The following CHMP3 variants were observed in gnomAD, a reference collection of about 807,000 sequenced individuals.
CHMP3 encodes charged multivesicular body protein 3, also known as 25.1 protein.
Under a neutral mutation model 27.4 loss-of-function variants are expected in CHMP3, and 8 were observed. The observed-to-expected ratio is 0.29, with a 90% CI of 0.17 to 0.53. CHMP3 has a LOEUF of 0.53. CHMP3 is among the 20% of genes least tolerant of loss of function. The pLI, the probability that CHMP3 is intolerant of heterozygous loss-of-function variation, is 0.96. For synonymous variants in CHMP3, 86 were observed against 85.5 expected, an observed-to-expected ratio of 1.01 and a Z score of -0.03; for missense variants, 208 against 271.5, an observed-to-expected ratio of 0.77 and a Z score of 1.64.
rs2104733918 is a variant in CHMP3, at chr2:86,504,803, A to G, written c.*1001T>C. 6.6e-6 allele frequency: 1 copy of G among 152,306 alleles called. No homozygotes were observed. Among genetic ancestry groups the G allele is most frequent in the Non-Finnish European group, 1.5e-5 (1 of 68,030 alleles). The allele number at this position is 152,306 out of a possible 1,614,324, so 9.4% of individuals were successfully genotyped here. ...CTTGGACCAGAGGATCTGGGTTTGAATCCCATCTCTGATACTTCCCAAACT... is the reference window on the plus strand; with the variant it reads ...CTTGGACCAGAGGATCTGGGTTTGAGTCCCATCTCTGATACTTCCCAAACT... On this transcript the variant is annotated 3_prime_UTR_variant, in exon 6 of 6. Transcript: ENST00000263856.
intron 3 of CHMP3, among the ~76,000 whole-genome samples, chr2:86,523,986 G>A (rs887437353): frequency 6.6e-6 from 1 of 152,102 alleles, no homozygotes; most frequent in Non-Finnish European, 1.5e-5. Flanking sequence ...AGATTACACA[G>A]ACAAAATTGA....
At chr2:86,537,166 C>CT (rs1460101566) in intron 2 of CHMP3, among the ~76,000 whole-genome samples, 1 of 152,010 alleles carries the variant, frequency 6.6e-6, no homozygotes, top group Non-Finnish European at 1.5e-5. Context: ...CACCCAGTCT[C>CT]TTTTTTTTCT....
chr2:86,555,755 C>A (rs749624923), intron 1 of CHMP3, among the ~76,000 whole-genome samples: 1 of 152,206 alleles, frequency 6.6e-6, no homozygotes, highest in Admixed American at 6.5e-5. Context: ...GCCTTCTCTT[C>A]TTCTGTGTAT....
chr2:86,516,313 G>T (rs1675305446), intron 3 of CHMP3, among the ~76,000 whole-genome samples: 1 of 152,012 alleles, frequency 6.6e-6, no homozygotes, highest in Non-Finnish European at 1.5e-5. Context: ...ATAAAAAAGG[G>T]TTCACTTTTA....
intron 1 of CHMP3, among the ~76,000 whole-genome samples, chr2:86,554,816 CGTGTGTGTGTGTGT>C (rs70956121): frequency 1.4e-5 from 2 of 145,382 alleles, no homozygotes; most frequent in East Asian, 2.0e-4. Flanking sequence ...TGTGTGCGCG[CGTGTGTGTGTGTGT>C]GTGTGTGTGT....
chr2:86,545,544 GACT>G (rs1489154971), intron 1 of CHMP3, among the ~76,000 whole-genome samples: 4 of 116,184 alleles, frequency 3.4e-5, no homozygotes, highest in Admixed American at 1.6e-4. Context: ...CAGACGGGGC[GACT>G]GCCGGGCAGA....
chr2:86,530,565 TACG>T (rs1675881316), intron 2 of CHMP3, among the ~76,000 whole-genome samples: 1 of 152,246 alleles, frequency 6.6e-6, no homozygotes, highest in Non-Finnish European at 1.5e-5. Context: ...TGTATGTATA[TACG>T]ACATTTTACT....
chr2:86,521,967 G>A (rs1441556042), intron 3 of CHMP3, among the ~76,000 whole-genome samples: 1 of 152,134 alleles, frequency 6.6e-6, no homozygotes, highest in Non-Finnish European at 1.5e-5. Context: ...AATAGCTGGA[G>A]CATATGGTAA....
At chr2:86,516,156 A>G (rs563887719) in intron 3 of CHMP3, among the ~76,000 whole-genome samples, 61 of 151,296 alleles carry the variant, frequency 4.0e-4, no homozygotes, top group African/African-American at 1.4e-3. Context: ...CAAAAAAAAA[A>G]AAAAAAAAGA....
chr2:86,536,692 A>T (rs1676158727), intron 2 of CHMP3, among the ~76,000 whole-genome samples: 1 of 152,156 alleles, frequency 6.6e-6, no homozygotes, highest in African/African-American at 2.4e-5. Context: ...ATCTCACTTG[A>T]GTTTATCCTA....
intron 3 of CHMP3, among the ~76,000 whole-genome samples, chr2:86,515,898 C>A (rs1361012248): frequency 6.6e-6 from 1 of 152,028 alleles, no homozygotes; most frequent in Non-Finnish European, 1.5e-5. Flanking sequence ...TGGCTCACCC[C>A]TGTAATCCCA....
chr2:86,520,009 G>A (rs1428900088), intron 3 of CHMP3, among the ~76,000 whole-genome samples: 2 of 152,132 alleles, frequency 1.3e-5, no homozygotes, highest in Non-Finnish European at 2.9e-5. Context: ...AGTAATAAAT[G>A]TGTGTGGTAT....
intron 2 of CHMP3, among the ~76,000 whole-genome samples, chr2:86,538,849 TTTAAC>T (rs1676246366): frequency 6.6e-6 from 1 of 152,332 alleles, no homozygotes; most frequent in East Asian, 1.9e-4. Context: ...ATTATTTTTC[TTTAAC>T]TTGTTATTTA....
intron 3 of CHMP3, among the ~76,000 whole-genome samples, chr2:86,518,506 T>C (rs1371612061): frequency 6.6e-6 from 1 of 152,106 alleles, no homozygotes; most frequent in Non-Finnish European, 1.5e-5. Context: ...ATTAAAAAGA[T>C]GTATATGGCA....
In CHMP3 at chr2:86,505,687, A is replaced by T; in HGVS notation, c.*117T>A. On this transcript the variant is annotated 3_prime_UTR_variant, in exon 6 of 6. Transcript: ENST00000263856. Reference sequence around the variant, plus strand: ...CAAAACCTGGGCAGAGAATGAAAAGAGACAAACAGAACCTTCTCCAAAATG... The same window carrying T: ...CAAAACCTGGGCAGAGAATGAAAAGTGACAAACAGAACCTTCTCCAAAATG... The T allele has an allele frequency of 1.1e-5, 14 of 1,296,360 alleles. No individual in the cohort carries two copies. The highest frequency in any genetic ancestry group is 1.4e-5 in the Non-Finnish European group (14 of 1,008,506). The allele number at this position is 1,296,360 out of a possible 1,614,324, so 80.3% of individuals were successfully genotyped here.
At chr2:86,536,698 T>C (rs1478583046) in intron 2 of CHMP3, among the ~76,000 whole-genome samples, 2 of 152,254 alleles carry the variant, frequency 1.3e-5, no homozygotes, top group Admixed American at 1.3e-4. Flanking sequence ...CTTGAGTTTA[T>C]CCTACCTGGA....
chr2:86,507,928 G>C (rs1337866772), intron 4 of CHMP3, among the ~76,000 whole-genome samples: 1 of 152,180 alleles, frequency 6.6e-6, no homozygotes, highest in Non-Finnish European at 1.5e-5. Context: ...GCGCTGTTTT[G>C]GGAAGCATCT....
chr2:86,530,118 A>T (rs1156786759), intron 2 of CHMP3, among the ~76,000 whole-genome samples: 1 of 151,890 alleles, frequency 6.6e-6, no homozygotes, highest in Non-Finnish European at 1.5e-5. Context: ...TCAGCCTCCC[A>T]AGTAGCTGGG....
chr2:86,560,616 T>C (rs1323635738), intron 1 of CHMP3, among the ~76,000 whole-genome samples: 9 of 152,012 alleles, frequency 5.9e-5, no homozygotes, highest in South Asian at 2.1e-4. Flanking sequence ...AGGTGACCAG[T>C]TGATGGGTGC....
Sources: allele counts gnomAD v4.1 joint callset (sites outside exome capture counted in the v4.1 genomes callset), GRCh38; gene constraint gnomAD v4.1.1; transcripts MANE v1.5; gene names NCBI Gene and HGNC (gene_info 2026-07-23, HGNC 2026-07-21).